NUP210L: variants seen among roughly 807,000 people sequenced by gnomAD.
The protein encoded by NUP210L is nuclear pore membrane glycoprotein 210-like.
Under a neutral mutation model 208.5 loss-of-function variants are expected in NUP210L, and 74 were observed. The ratio of observed to expected loss-of-function variants is 0.35; its 90% CI spans 0.29 to 0.43. The LOEUF (loss-of-function observed/expected upper bound fraction) is 0.43, where lower values mean the gene tolerates loss of function less well. NUP210L is among the 20% of genes least tolerant of loss of function. NUP210L has a pLI of 1.00. For missense variants in NUP210L, 1,843 were observed against 2,289.4 expected (o/e 0.81, Z 3.98); for synonymous variants, 780 against 816.9 (o/e 0.95, Z 0.77).
At chr1:154,095,254 T>C (rs1656124695) in intron 14 of NUP210L, 98 bp from the exon 15 acceptor site, 1 of 883,250 alleles carries the variant, frequency 1.1e-6, no homozygotes, top group Non-Finnish European at 1.8e-6. Context: ...CAAATGACGT[T>C]AAACTTAATT....
chr1:153,997,467 G>GTTT (rs1328725231), intron 37 of NUP210L, among the ~76,000 whole-genome samples: 59 of 126,374 alleles, frequency 4.7e-4, no homozygotes, highest in South Asian at 3.5e-3. Flanking sequence ...TTTCTTTTCT[G>GTTT]TTTTTTTTTT....
At chr1:154,102,140 G>C (rs1388075030) in intron 13 of NUP210L, among the ~76,000 whole-genome samples, 14 of 151,906 alleles carry the variant, frequency 9.2e-5, no homozygotes, top group Non-Finnish European at 2.9e-5. Context: ...GATGGAGTGA[G>C]ATTCCATCTC....
chr1:154,125,469 A>G (rs1657841431), intron 10 of NUP210L, among the ~76,000 whole-genome samples: 1 of 150,256 alleles, frequency 6.7e-6, no homozygotes, highest in South Asian at 2.1e-4. Flanking sequence ...AACAAAAACA[A>G]AAATTAGCCA....
chr1:153,995,359 C>T (rs1310609700), intron 37 of NUP210L, among the ~76,000 whole-genome samples, 179 bp from the exon 38 acceptor site: 2 of 152,134 alleles, frequency 1.3e-5, no homozygotes, highest in Non-Finnish European at 2.9e-5. Context: ...CATTTTAAAA[C>T]TTATGACTAA....
chr1:154,101,653 G>A (rs1344979343), intron 13 of NUP210L, among the ~76,000 whole-genome samples: 2 of 152,016 alleles, frequency 1.3e-5, no homozygotes, highest in African/African-American at 2.4e-5. Flanking sequence ...TAGTTTCAAG[G>A]GGAAAGTGAA....
intron 13 of NUP210L, among the ~76,000 whole-genome samples, chr1:154,100,581 C>A (rs1273314088): frequency 8.0e-6 from 1 of 124,914 alleles, no homozygotes; most frequent in Non-Finnish European, 1.6e-5. Context: ...TGCAATGGTG[C>A]AATCTTGGCT....
chr1:154,031,309 C>T (rs1222235148), intron 27 of NUP210L, among the ~76,000 whole-genome samples: 1 of 152,068 alleles, frequency 6.6e-6, no homozygotes, highest in Admixed American at 6.6e-5. Flanking sequence ...AGGCTGGTCT[C>T]GAACTCCTGA....
At chr1:154,003,326 G>A (rs1650325873) in intron 35 of NUP210L, among the ~76,000 whole-genome samples, 2 of 151,994 alleles carry the variant, frequency 1.3e-5, no homozygotes, top group African/African-American at 2.4e-5. Context: ...TCCTGCCTCA[G>A]CCTCCCAAGT....
intron 12 of NUP210L, among the ~76,000 whole-genome samples, chr1:154,109,448 G>T (rs1656933065): frequency 6.6e-6 from 1 of 151,552 alleles, no homozygotes; most frequent in South Asian, 2.1e-4. Context: ...AATAGCTGGA[G>T]ACTTCAACAC....
rs188039955 is a variant in NUP210L at position 154,124,606 on chromosome 1, G to C, written c.1326+1717C>G. On this transcript the variant is annotated intron_variant, in intron 10 of 39. Transcript: ENST00000368559. Reference sequence around the variant, plus strand: ...AAATAATGGAAACATTCAATGTTTGGGGCATGGGTAAATAAATTGGCATAT... The same window carrying C: ...AAATAATGGAAACATTCAATGTTTGCGGCATGGGTAAATAAATTGGCATAT... Among the ~76,000 whole-genome samples the C allele has an allele frequency of 2.6e-3, 402 of 152,206 alleles. 12 individuals are homozygous for C. Among genetic ancestry groups the C allele is most frequent in the Admixed American group, 0.025 (378 of 15,282 alleles).
Position 154,019,024 on chromosome 1 carries a change from G to C in NUP210L, c.4562C>G (p.Thr1521Arg), listed in dbSNP as rs1002373777. The stretch of plus-strand genomic sequence containing the variant: ...CACTCCTACTCCAGTGACAATGTCT[G>C]TCTGTAGAATATTGTTGGCAGAAAT... Residue 1521 changes from threonine (T) to arginine (R), a missense_variant, in exon 33 of 40, where the codon ACA becomes AGA. Physicochemically the swap from Thr to Arg is moderately conservative, Grantham distance 71. Around this residue, in one of 5 missense-constraint regions of NUP210L, gnomAD observed 781 missense variants for 973.8 expected, o/e 0.80. Coordinates refer to ENST00000368559, the Ensembl canonical transcript of NUP210L. 3 of 1,614,046 alleles carry C rather than the reference G, an allele frequency of 1.9e-6. No homozygotes were observed. The Admixed American group carries it at 5.0e-5, about 27-fold the overall frequency.
chr1:154,041,675 AC>A (rs913301092), intron 27 of NUP210L, among the ~76,000 whole-genome samples: 2 of 152,088 alleles, frequency 1.3e-5, no homozygotes, highest in Admixed American at 1.3e-4. Flanking sequence ...AGAAAAAAAA[AC>A]TGGCTGACCA....
chr1:154,123,014 G>A (rs1423607796), intron 10 of NUP210L, among the ~76,000 whole-genome samples: 1 of 143,570 alleles, frequency 7.0e-6, no homozygotes, highest in Admixed American at 7.1e-5. Flanking sequence ...TGGTGCCACT[G>A]CAATCCACCC....
In NUP210L at chr1:154,060,926, C is replaced by T. The variant is rs768736536; in HGVS notation, c.2748+16G>A. 4 of 1,496,886 alleles carry T rather than the reference C, an allele frequency of 2.7e-6. No individual in the cohort carries two copies. The Admixed American group carries it at 6.8e-5, about 25-fold the overall frequency. The allele number at this position is 1,496,886 out of a possible 1,614,324, so 92.7% of individuals were successfully genotyped here. Reference sequence around the variant, plus strand: ...TCCAATATGATTCCATTTAACTAGACTCATACAGCTTCTACCTTTACATCA... The same window carrying T: ...TCCAATATGATTCCATTTAACTAGATTCATACAGCTTCTACCTTTACATCA... On this transcript the variant is annotated intron_variant, in intron 19 of 39. Coordinates refer to ENST00000368559, the Ensembl canonical transcript of NUP210L.
chr1:154,126,189 C>A (rs983669829), intron 10 of NUP210L, 134 bp downstream of exon 10: 3 of 704,778 alleles, frequency 4.3e-6, no homozygotes, highest in African/African-American at 3.6e-5. Context: ...TATACACTTA[C>A]GAATTTGCTG....
intron 37 of NUP210L, among the ~76,000 whole-genome samples, chr1:153,997,293 A>C (rs1432270830): frequency 1.3e-5 from 2 of 149,040 alleles, no homozygotes; most frequent in Admixed American, 6.7e-5. Flanking sequence ...TGAATAATTT[A>C]AATGTTTTTC....
chr1:154,006,946 G>GTGTATATATATA (rs767785200), intron 35 of NUP210L, among the ~76,000 whole-genome samples: 4 of 95,442 alleles, frequency 4.2e-5, no homozygotes, highest in Admixed American at 1.4e-4. Context: ...GTGTGTGTGT[G>GTGTATATATATA]TATATATATA....
At chr1:154,041,255 G>A (rs562587416) in intron 27 of NUP210L, among the ~76,000 whole-genome samples, 19 of 152,038 alleles carry the variant, frequency 1.2e-4, no homozygotes, top group African/African-American at 2.9e-4. Flanking sequence ...GTGAGCCACC[G>A]AGCCTGGCCT....
chr1:153,994,174 C>G (rs1198026301), intron 38 of NUP210L, among the ~76,000 whole-genome samples: 1 of 152,096 alleles, frequency 6.6e-6, no homozygotes, highest in African/African-American at 2.4e-5. Context: ...GCCATTGCAC[C>G]CAGTCTGTTT....
Sources: allele counts gnomAD v4.1 joint callset (sites outside exome capture counted in the v4.1 genomes callset), GRCh38; gene constraint gnomAD v4.1.1; regional missense constraint gnomAD v4.1.1; transcripts MANE v1.5; gene names NCBI Gene and HGNC (gene_info 2026-07-23, HGNC 2026-07-21).